Variants in SCN7A observed in about 807,000 individuals in gnomAD.
SCN7A encodes sodium channel protein type 7 subunit alpha.
Under a neutral mutation model 155.2 loss-of-function variants are expected in SCN7A, and 138 were observed. The ratio of observed to expected loss-of-function variants is 0.89; its 90% CI spans 0.77 to 1.02. The LOEUF (loss-of-function observed/expected upper bound fraction) is 1.02. SCN7A is among the 50% of genes least tolerant of loss of function. SCN7A has a pLI of 0.00. For missense variants in SCN7A, 2,058 were observed against 1,986.6 expected, an observed-to-expected ratio of 1.04 and a Z score of -0.68; for synonymous variants, 693 against 649.0, an observed-to-expected ratio of 1.07 and a Z score of -1.03.
intron 6 of SCN7A, 30 bp downstream of exon 6, chr2:166,472,287 A>C (rs898418937): frequency 6.4e-7 from 1 of 1,561,252 alleles, no homozygotes; most frequent in Non-Finnish European, 8.6e-7. Context: ...GCAAAACATT[A>C]AAATAGACTC....
chr2:166,456,883 T>C lies in SCN7A; in HGVS notation c.1277A>G (p.Asn426Ser), dbSNP rs1325101321. 18 of 1,537,714 alleles carry C rather than the reference T, an allele frequency of 1.2e-5. No individual in the cohort carries two copies. The highest frequency in any genetic ancestry group is 1.6e-5 in the Non-Finnish European group (18 of 1,135,802). The change falls in exon 11 of 26, where the codon AAT becomes AGT. Residue 426 changes from asparagine (N) to serine (S), a missense_variant. By Grantham distance (46) the Asn-to-Ser change is conservative. Transcript: ENST00000643258. ...QQTGKELQEG[N>S]ETDEAKTIQI... ...AGATATAGATACCTCATCTGTTTCA[T>C]TTCCTTCTTGAAGTTCTTTTCCAGT...
intron 3 of SCN7A, 62 bp downstream of exon 3, chr2:166,477,401 T>A: frequency 9.4e-7 from 1 of 1,059,272 alleles, no homozygotes; most frequent in Non-Finnish European, 1.3e-6. Flanking sequence ...CAATTACATT[T>A]TCTGTATGTC....
Position 166,410,619 on chromosome 2 carries a change from C to T in SCN7A, c.3607-295G>A, listed in dbSNP as rs967364366. On this transcript the variant is annotated intron_variant, in intron 23 of 25. Transcript: ENST00000643258. ...GTTGTAAAAGAGGACAAAGGAGAAA[C>T]AGCAGGGGATATCTGGAAATATTTA... Among the ~76,000 whole-genome samples the T allele has an allele frequency of 3.9e-5, 6 of 151,914 alleles. No individual in the cohort carries two copies. In the South Asian group the frequency reaches 8.3e-4, roughly 21 times the overall value.
Position 166,406,663 on chromosome 2 carries a change from T to G in SCN7A, c.3983-17A>C. On this transcript the variant is annotated splice_polypyrimidine_tract_variant and intron_variant, in intron 25 of 25. Coordinates refer to ENST00000643258, the MANE Select transcript of SCN7A (RefSeq NM_002976.4). ...GACATAGTCCTGGGGGTGGGAAAGATAAAGCAGGCTATACATTATTCAAAC... is the reference window on the plus strand; with the variant it reads ...GACATAGTCCTGGGGGTGGGAAAGAGAAAGCAGGCTATACATTATTCAAAC... 6.7e-7 allele frequency: 1 copy of G among 1,495,264 alleles called. No individual in the cohort carries two copies. Among genetic ancestry groups the G allele is most frequent in the East Asian group, 2.3e-5 (1 of 44,158 alleles). 92.6% of individuals were successfully genotyped at this position (1,495,264 alleles called of 1,614,324 possible).
chr2:166,408,547 G>T (rs1353539351), intron 25 of SCN7A, among the ~76,000 whole-genome samples: 1 of 151,834 alleles, frequency 6.6e-6, no homozygotes, highest in Non-Finnish European at 1.5e-5. Flanking sequence ...AGTCTCATAG[G>T]ACCCTAATTC....
rs576514058 is a variant in SCN7A at position 166,479,372 on chromosome 2, TA to T, written c.-14-1663del. Among the ~76,000 whole-genome samples the T allele has an allele frequency of 2.1e-4, 32 of 152,244 alleles. No individual in the cohort carries two copies. The East Asian group carries it at 5.8e-3, about 28-fold the overall frequency. On this transcript the variant is annotated intron_variant, in intron 2 of 25. Coordinates refer to ENST00000643258, the MANE Select transcript of SCN7A (RefSeq NM_002976.4). ...AGTAAATGACGGGCAGGATATATTTTAAATATACAAAACGCAATCTTATAGA... is the reference window on the plus strand; with the variant it reads ...AGTAAATGACGGGCAGGATATATTTTAATATACAAAACGCAATCTTATAGA...
At chr2:166,439,712 A>G (rs368235054) in intron 15 of SCN7A, among the ~76,000 whole-genome samples, 3 of 152,326 alleles carry the variant, frequency 2.0e-5, no homozygotes, top group East Asian at 1.9e-4. Flanking sequence ...GGCAGAAGAT[A>G]TTGAAGTATT....
intron 18 of SCN7A, among the ~76,000 whole-genome samples, chr2:166,427,201 T>C (rs1701642902): frequency 6.6e-6 from 1 of 152,100 alleles, no homozygotes; most frequent in Non-Finnish European, 1.5e-5. Context: ...TAAAGTCAGC[T>C]ATTACAGACC....
chr2:166,442,616 G>C (rs948222154), intron 14 of SCN7A, among the ~76,000 whole-genome samples: 3 of 151,694 alleles, frequency 2.0e-5, no homozygotes, highest in Non-Finnish European at 4.4e-5. Flanking sequence ...CAAATTCCTG[G>C]CCTCACTTCT....
At chr2:166,454,502 TAATA>T (rs1702236694) in intron 11 of SCN7A, among the ~76,000 whole-genome samples, 1 of 152,188 alleles carries the variant, frequency 6.6e-6, no homozygotes, top group Non-Finnish European at 1.5e-5. Flanking sequence ...GGTCATGACT[TAATA>T]AAAGGGTTAT....
In SCN7A at chr2:166,432,490, T is replaced by G; in HGVS notation, c.2420A>C (p.Asp807Ala). 1 of 1,613,684 alleles carries G rather than the reference T, an allele frequency of 6.2e-7. No individual in the cohort carries two copies. The highest frequency in any genetic ancestry group is 2.2e-5 in the East Asian group (1 of 44,852). The change falls in exon 16 of 26, where the codon GAT (aspartate) becomes GCT (alanine). Residue 807 changes from aspartate (D) to alanine (A), a missense_variant. Asp to Ala is a moderately radical substitution (Grantham distance 126). Transcript: ENST00000643258. ...ELSNTQDFLK[D>A]KEKSSGTEKN... ...CTCTGTGCCACTGCTTTTTTCCTTA[T>G]CTTTGAGAAAATCTTGGGTGTTGCT...
Position 166,405,703 on chromosome 2 carries a change from C to T in SCN7A, c.4926G>A (p.Arg1642=). The T allele has an allele frequency of 6.2e-7, 1 of 1,613,020 alleles. No individual in the cohort carries two copies. The highest frequency in any genetic ancestry group is 1.3e-5 in the African/African-American group (1 of 74,964). Residue 1642 remains arginine (R), a synonymous_variant, in exon 26 of 26, where the codon AGG becomes AGA. Coordinates refer to ENST00000643258, the MANE Select transcript of SCN7A (RefSeq NM_002976.4). ...IQRAYKNYRL[R]RNDKNTSDIH... is the part of the protein sequence containing the mutation. ...TATCTGATGTATTTTTGTCATTTCG[C>T]CTCAAGCGGTAATTTTTATAAGCAC... is the stretch of plus-strand genomic sequence containing the variant.
chr2:166,487,244 A>G (rs959586727), intron 1 of SCN7A, among the ~76,000 whole-genome samples: 9 of 152,118 alleles, frequency 5.9e-5, no homozygotes, highest in African/African-American at 2.2e-4. Context: ...GATAAATTAC[A>G]TGGCCACTCA....
At chr2:166,488,572 C>T (rs1283358804) in intron 1 of SCN7A, among the ~76,000 whole-genome samples, 3 of 151,720 alleles carry the variant, frequency 2.0e-5, no homozygotes, top group Admixed American at 6.6e-5. Flanking sequence ...TACCCACACA[C>T]AGTGCAGGTG....
At chr2:166,485,549 G>A (rs1170858074) in intron 2 of SCN7A, among the ~76,000 whole-genome samples, 1 of 152,126 alleles carries the variant, frequency 6.6e-6, no homozygotes, top group Admixed American at 6.6e-5. Context: ...CTGGGAATAA[G>A]ATCTTTTTGA....
At chr2:166,443,001 T>C (rs891089914) in intron 14 of SCN7A, among the ~76,000 whole-genome samples, 3 of 152,198 alleles carry the variant, frequency 2.0e-5, no homozygotes, top group Non-Finnish European at 4.4e-5. Context: ...AAGCATATCA[T>C]TTCAATAAAC....
intron 1 of SCN7A, among the ~76,000 whole-genome samples, chr2:166,490,961 A>T (rs551931596): frequency 6.6e-6 from 1 of 152,294 alleles, no homozygotes; most frequent in South Asian, 2.1e-4. Context: ...AGTTGGGCAA[A>T]AAATGTCCAA....
intron 21 of SCN7A, 105 bp downstream of exon 21, chr2:166,416,602 T>C: frequency 9.6e-7 from 1 of 1,040,182 alleles, no homozygotes; most frequent in South Asian, 1.8e-5. Flanking sequence ...ATTGCTAAAA[T>C]ATTTTATAAC....
intron 18 of SCN7A, among the ~76,000 whole-genome samples, chr2:166,425,602 A>G (rs1160215827): frequency 6.6e-6 from 1 of 151,976 alleles, no homozygotes; most frequent in African/African-American, 2.4e-5. Context: ...TTCAGCTTCT[A>G]GTGACTACTT....
Sources: gnomAD v4.1 joint callset for allele counts (sites outside exome capture counted in the v4.1 genomes callset) on GRCh38, gnomAD v4.1.1 for gene constraint, MANE v1.5 for transcripts, NCBI Gene and HGNC (gene_info 2026-07-23, HGNC 2026-07-21) for gene names.